MRPS28: variants seen among roughly 807,000 people sequenced by gnomAD.
MRPS28 encodes the protein mitochondrial ribosomal protein S28.
In MRPS28, 7 loss-of-function variants were observed where a neutral mutation model predicts 10.8. That is an observed-to-expected ratio of 0.65 (90% confidence interval 0.37 to 1.22). The LOEUF is 1.22. MRPS28 is among the 50% of genes most tolerant of loss of function. The pLI, the probability that MRPS28 is intolerant of heterozygous loss-of-function variation, is 0.02. For missense variants in MRPS28, 265 were observed against 232.9 expected (o/e 1.14, Z -0.90); for synonymous variants, 121 against 93.3 (o/e 1.30, Z -1.71).
At chr8:80,023,677 C>CT (rs2130248073) in intron 1 of MRPS28, among the ~76,000 whole-genome samples, 1 of 152,144 alleles carries the variant, frequency 6.6e-6, no homozygotes, top group Admixed American at 6.5e-5. Context: ...CTGTGCAGCC[C>CT]TAAAACTCTC....
chr8:79,935,819 A>G (rs1806592265), intron 2 of MRPS28, among the ~76,000 whole-genome samples: 1 of 152,168 alleles, frequency 6.6e-6, no homozygotes, highest in Non-Finnish European at 1.5e-5. Context: ...TACACCAAGA[A>G]AGACTTTTCT....
chr8:80,005,728 T>C (rs1365517096), intron 1 of MRPS28, among the ~76,000 whole-genome samples: 7 of 152,194 alleles, frequency 4.6e-5, no homozygotes, highest in Admixed American at 6.5e-5. Flanking sequence ...GTGTGCTGTA[T>C]TTAGGAGACC....
chr8:79,928,866 T>C (rs1245174016), intron 2 of MRPS28, among the ~76,000 whole-genome samples: 1 of 151,942 alleles, frequency 6.6e-6, no homozygotes, highest in Non-Finnish European at 1.5e-5. Context: ...CAACACATAG[T>C]GAAACCCTGT....
At chr8:79,984,783 G>C (rs1013133607) in intron 2 of MRPS28, among the ~76,000 whole-genome samples, 2 of 152,064 alleles carry the variant, frequency 1.3e-5, no homozygotes, top group Non-Finnish European at 2.9e-5. Context: ...AGCAAGTCCT[G>C]AGTGACCTAC....
intron 2 of MRPS28, among the ~76,000 whole-genome samples, chr8:79,999,850 C>A (rs954878101): frequency 1.3e-5 from 2 of 151,910 alleles, no homozygotes; most frequent in Admixed American, 6.6e-5. Context: ...ATAGCTGAAG[C>A]CTTGACTCTT....
chr8:79,963,072 G>A lies in MRPS28; in HGVS notation c.395+39927C>T, dbSNP rs117024753. On this transcript the variant is annotated intron_variant, in intron 2 of 2. Coordinates refer to ENST00000276585, the MANE Select transcript of MRPS28 (RefSeq NM_014018.3). Reference sequence around the variant, plus strand: ...AAGCAAGGAAAATTACGTTATGAGGGGTAGCCCTTTCAAAATGACTTAGTA... The same window carrying A: ...AAGCAAGGAAAATTACGTTATGAGGAGTAGCCCTTTCAAAATGACTTAGTA... Among the ~76,000 whole-genome samples the A allele has an allele frequency of 7.2e-5, 11 of 152,102 alleles. 1 individual carries two copies. The East Asian group carries it at 1.5e-3, about 21-fold the overall frequency.
intron 1 of MRPS28, among the ~76,000 whole-genome samples, chr8:80,026,051 C>A (rs1586105197): frequency 1.3e-5 from 2 of 152,168 alleles, no homozygotes; most frequent in South Asian, 2.1e-4. Flanking sequence ...TAATAACCTG[C>A]AGGGCTATGT....
intron 1 of MRPS28, chr8:80,028,628 A>T (rs1402426586): frequency 1.3e-4 from 2 of 15,450 alleles, no homozygotes; most frequent in Non-Finnish European, 3.0e-4. Context: ...AATCACAGGG[A>T]TCTCAAAAGC....
intron 2 of MRPS28, among the ~76,000 whole-genome samples, chr8:79,987,224 T>C (rs1808212016): frequency 6.6e-6 from 1 of 152,138 alleles, no homozygotes; most frequent in African/African-American, 2.4e-5. Context: ...GCTAGCCATA[T>C]GTAGAAAGCT....
intron 2 of MRPS28, among the ~76,000 whole-genome samples, chr8:79,927,421 T>C (rs542723263): frequency 6.6e-6 from 1 of 152,326 alleles, no homozygotes; most frequent in African/African-American, 2.4e-5. Flanking sequence ...TGGTAAAACC[T>C]CTGTCTCCAG....
At chr8:79,921,233 A>G (rs1404329002) in intron 2 of MRPS28, among the ~76,000 whole-genome samples, 2 of 152,060 alleles carry the variant, frequency 1.3e-5, no homozygotes, top group Non-Finnish European at 2.9e-5. Context: ...TGATGCCTCC[A>G]GCTTTGTTCT....
intron 2 of MRPS28, among the ~76,000 whole-genome samples, chr8:79,931,243 A>G (rs1404286680): frequency 6.6e-6 from 1 of 152,164 alleles, no homozygotes; most frequent in Non-Finnish European, 1.5e-5. Context: ...TCCCCTATCA[A>G]ATTCTATTTT....
intron 2 of MRPS28, among the ~76,000 whole-genome samples, chr8:79,985,655 C>T (rs1454329305): frequency 6.6e-6 from 1 of 152,176 alleles, no homozygotes; most frequent in African/African-American, 2.4e-5. Context: ...CACCTCTACG[C>T]AAATAAACTA....
chr8:79,988,510 A>G (rs1371757860), intron 2 of MRPS28, among the ~76,000 whole-genome samples: 1 of 151,724 alleles, frequency 6.6e-6, no homozygotes, highest in Non-Finnish European at 1.5e-5. Flanking sequence ...TATTTTATTA[A>G]AAATTAAAAC....
At chr8:79,969,633 A>G (rs1807580029) in intron 2 of MRPS28, among the ~76,000 whole-genome samples, 6 of 152,092 alleles carry the variant, frequency 3.9e-5, no homozygotes. Flanking sequence ...ACAAAAGAAA[A>G]CAGAGGCTGA....
chr8:79,942,043 G>A (rs1258512885), intron 2 of MRPS28, among the ~76,000 whole-genome samples: 1 of 152,112 alleles, frequency 6.6e-6, no homozygotes, highest in Non-Finnish European at 1.5e-5. Context: ...ATAAGATAAG[G>A]TACTTGGAGA....
intron 2 of MRPS28, chr8:79,958,164 C>T (rs1300417363): frequency 4.1e-6 from 2 of 492,048 alleles, no homozygotes; most frequent in Non-Finnish European, 7.1e-6. Flanking sequence ...CAATCTCTCC[C>T]CCTCCCCTAT....
chr8:80,025,129 A>G (rs1196240174), intron 1 of MRPS28, among the ~76,000 whole-genome samples: 3 of 152,216 alleles, frequency 2.0e-5, no homozygotes, highest in African/African-American at 7.2e-5. Context: ...ATATAGTGTA[A>G]ATGTAGTATT....
chr8:80,007,066 A>C (rs777885722), intron 1 of MRPS28, among the ~76,000 whole-genome samples: 9 of 152,234 alleles, frequency 5.9e-5, no homozygotes, highest in Non-Finnish European at 1.3e-4. Flanking sequence ...CAAAAAGCTT[A>C]TCCACCATGA....
Sources: gnomAD v4.1 joint callset for allele counts (sites outside exome capture counted in the v4.1 genomes callset) on GRCh38, gnomAD v4.1.1 for gene constraint, MANE v1.5 for transcripts, NCBI Gene and HGNC (gene_info 2026-07-23, HGNC 2026-07-21) for gene names.